Variants in ADGRD1 observed in about 807,000 individuals in gnomAD.
ADGRD1 encodes the protein adhesion G protein-coupled receptor D1.
A neutral mutation model predicts 113.4 loss-of-function variants in ADGRD1; 77 were observed. The observed-to-expected ratio is 0.68, with a 90% confidence interval of 0.57 to 0.82. The LOEUF (loss-of-function observed/expected upper bound fraction) is 0.82, where lower values mean the gene tolerates loss of function less well. Among genes scored for constraint, ADGRD1 ranks in the 40% least tolerant of loss-of-function variants. ADGRD1 has a pLI of 0.00. For synonymous variants in ADGRD1, 474 were observed against 475.0 expected (o/e 1.00, Z 0.03); for missense variants, 1,036 against 1,139.1 (o/e 0.91, Z 1.30).
chr12:131,042,109 G>A (rs1882193253), intron 13 of ADGRD1, among the ~76,000 whole-genome samples: 1 of 152,256 alleles, frequency 6.6e-6, no homozygotes, highest in Admixed American at 6.5e-5. Context: ...CGCCCCAGCT[G>A]CCACTTGCCC....
chr12:131,138,311 GCAGCAGAGGTGGCTTCGGGTGCC>G, intron 24 of ADGRD1, 82 bp downstream of exon 24: 1 of 1,201,474 alleles, frequency 8.3e-7, no homozygotes, highest in South Asian at 1.3e-5. Context: ...GGGTGTGCAG[GCAGCAGAGGTGGCTTCGGGTGCC>G]CAGCAGTCTT....
chr12:130,989,954 T>A (rs1212565986), intron 6 of ADGRD1: 3 of 152,208 alleles, frequency 2.0e-5, no homozygotes, highest in East Asian at 3.8e-4. Flanking sequence ...GGAAACACAC[T>A]CAACACGTGG....
intron 18 of ADGRD1, among the ~76,000 whole-genome samples, chr12:131,115,505 C>A (rs1950443610): frequency 6.6e-6 from 1 of 152,162 alleles, no homozygotes; most frequent in South Asian, 2.1e-4. Flanking sequence ...ACCCCTTGCC[C>A]ATGCGCCCAT....
intron 13 of ADGRD1, among the ~76,000 whole-genome samples, chr12:131,037,211 TCTCA>T (rs1192086293): frequency 2.1e-5 from 2 of 94,604 alleles, no homozygotes; most frequent in African/African-American, 9.7e-5. Context: ...CTACACCAGG[TCTCA>T]CTCACTGCAC....
chr12:131,137,131 A>T, intron 23 of ADGRD1, 117 bp downstream of exon 23: 1 of 849,016 alleles, frequency 1.2e-6, no homozygotes, highest in Non-Finnish European at 2.0e-6. Flanking sequence ...TCAAATCCTG[A>T]GCCAGCCACG....
intron 8 of ADGRD1, 150 bp downstream of exon 8, chr12:130,992,542 T>C: frequency 3.0e-6 from 2 of 659,274 alleles, no homozygotes; most frequent in East Asian, 5.3e-5. Flanking sequence ...AACAACCAGC[T>C]GGTGTGGCCC....
rs1315872445 is a variant in ADGRD1, at chr12:130,971,420, G to T, written c.188-38G>T. 1 of 1,589,054 alleles carries T rather than the reference G, an allele frequency of 6.3e-7. No individual in the cohort carries two copies. The highest frequency in any genetic ancestry group is 8.6e-7 in the Non-Finnish European group (1 of 1,162,956). On this transcript the variant is annotated intron_variant, in intron 3 of 24. Transcript: ENST00000261654. This position sits in a 1 kb window ranked among gnomAD's most constrained non-coding sequence, Gnocchi z 4.2. ...CATCTTCAGACTTTTAATCTCGGAA[G>T]GTTATTAACATATGATGTTGTCATT...
chr12:131,114,031 A>C (rs1950406215), intron 18 of ADGRD1, among the ~76,000 whole-genome samples: 1 of 152,210 alleles, frequency 6.6e-6, no homozygotes, highest in African/African-American at 2.4e-5. Flanking sequence ...TCCATAAGCC[A>C]CAGAAAAGAC....
intron 6 of ADGRD1, chr12:130,990,723 C>T (rs185512494): frequency 4.9e-5 from 14 of 284,948 alleles, no homozygotes; most frequent in Non-Finnish European, 5.9e-5. Flanking sequence ...TATTTGAAAT[C>T]GGTAATCCTT....
intron 12 of ADGRD1, among the ~76,000 whole-genome samples, chr12:131,011,284 G>A (rs903927842): frequency 6.6e-6 from 1 of 151,418 alleles, no homozygotes; most frequent in Non-Finnish European, 1.5e-5. Context: ...CCGACATCTG[G>A]CGTCGCACTG....
rs1201673167 is a variant in ADGRD1 at position 131,057,511 on chromosome 12, G to C, written c.1474-19290G>C. ...GGCGTTGGCAGAGCTAGTTCGTTCT[G>C]GAGGCTCAGCGGGAACGTCCACCCC... On this transcript the variant is annotated intron_variant, in intron 13 of 24. Transcript: ENST00000261654. The surrounding 1 kb of genome is among the most constrained non-coding windows in gnomAD (Gnocchi z 4.2). Among the ~76,000 whole-genome samples, 1 of 152,144 alleles carries C rather than the reference G, an allele frequency of 6.6e-6. No individual in the cohort carries two copies. The highest frequency in any genetic ancestry group is 1.5e-5 in the Non-Finnish European group (1 of 68,034).
chr12:131,138,581 G>T (rs1258946224), intron 24 of ADGRD1, among the ~76,000 whole-genome samples: 1 of 152,126 alleles, frequency 6.6e-6, no homozygotes, highest in Admixed American at 6.5e-5. Flanking sequence ...CCCTGTTAGG[G>T]TTCTCACTGT....
intron 13 of ADGRD1, among the ~76,000 whole-genome samples, chr12:131,049,450 T>C (rs1239693212): frequency 6.6e-6 from 1 of 152,216 alleles, no homozygotes; most frequent in African/African-American, 2.4e-5. Context: ...TTTCCCTCAC[T>C]CTAAGCCATT....
At chr12:131,118,327 C>T (rs1593244725) in intron 18 of ADGRD1, 58 bp from the exon 19 acceptor site, 9 of 1,066,062 alleles carry the variant, frequency 8.4e-6, no homozygotes, top group South Asian at 1.4e-5. Flanking sequence ...ATGGGGGAGG[C>T]GGGAGGGAGG....
At chr12:131,077,159 G>A (rs773406794) in intron 14 of ADGRD1, among the ~76,000 whole-genome samples, 6 of 152,202 alleles carry the variant, frequency 3.9e-5, no homozygotes, top group African/African-American at 9.6e-5. Context: ...AGATGCTCGG[G>A]GGAGCTGGAG....
chr12:130,996,733 G>T (rs1372601418), intron 8 of ADGRD1, among the ~76,000 whole-genome samples: 1 of 95,588 alleles, frequency 1.0e-5, no homozygotes. Context: ...CCTCCCGGAC[G>T]GGGTGGCTGG....
intron 20 of ADGRD1, among the ~76,000 whole-genome samples, chr12:131,130,767 A>AGGCTGGCC (rs1566138288): frequency 5.7e-4 from 86 of 149,806 alleles, no homozygotes; most frequent in Non-Finnish European, 9.9e-4. Flanking sequence ...GGGGAGAGCG[A>AGGCTGGCC]AGCTGGCCAT....
intron 4 of ADGRD1, among the ~76,000 whole-genome samples, chr12:130,979,625 C>A (rs1269606257): frequency 6.6e-6 from 1 of 152,144 alleles, no homozygotes; most frequent in Non-Finnish European, 1.5e-5. Context: ...AAGCCCAGGG[C>A]AAATATCCTT....
chr12:131,105,024 G>C, intron 16 of ADGRD1, 90 bp downstream of exon 16: 1 of 900,920 alleles, frequency 1.1e-6, no homozygotes, highest in Non-Finnish European at 1.7e-6. Flanking sequence ...AGAGGGGAGG[G>C]GCTGTGGAGG....
Sources: gnomAD v4.1 joint callset for allele counts (sites outside exome capture counted in the v4.1 genomes callset) on GRCh38, gnomAD v4.1.1 for gene constraint, Gnocchi (gnomAD v3.1) non-coding constraint, MANE v1.5 for transcripts, NCBI Gene and HGNC (gene_info 2026-07-23, HGNC 2026-07-21) for gene names.